Variants in NSUN2 observed in about 807,000 individuals in gnomAD.
NSUN2 encodes NOP2/Sun RNA methyltransferase 2, also known as RNA cytosine C(5)-methyltransferase NSUN2.
A neutral mutation model predicts 92.7 loss-of-function variants in NSUN2; 63 were observed. The ratio of observed to expected loss-of-function variants is 0.68; its 90% confidence interval spans 0.56 to 0.84. NSUN2 has a LOEUF of 0.84. Ranked by LOEUF, NSUN2 falls within the 40% of genes least tolerant of loss-of-function variation. NSUN2 has a pLI of 0.00. For missense variants in NSUN2, 989 were observed against 964.9 expected, an observed-to-expected ratio of 1.02 and a Z score of -0.33; for synonymous variants, 356 against 348.3, an observed-to-expected ratio of 1.02 and a Z score of -0.25.
At chr5:6,607,170 A>G (rs777719503) in intron 13 of NSUN2, 30 bp downstream of exon 13, 4 of 1,607,770 alleles carry the variant, frequency 2.5e-6, no homozygotes, top group South Asian at 1.1e-5. Flanking sequence ...ACACCAGCGT[A>G]TTAGATCAAG....
intron 4 of NSUN2, among the ~76,000 whole-genome samples, chr5:6,624,423 C>T (rs909248877): frequency 6.6e-6 from 1 of 152,148 alleles, no homozygotes; most frequent in African/African-American, 2.4e-5. Flanking sequence ...TTCCCTACAA[C>T]ATTTGCTACC....
Position 6,612,293 on chromosome 5 carries a change from G to A in NSUN2, c.1022-495C>T, listed in dbSNP as rs75409286. 2.8e-4 allele frequency among the ~76,000 whole-genome samples: 43 copies of A among 152,264 alleles called. 3 individuals are homozygous for A. The East Asian group carries it at 8.3e-3, about 29-fold the overall frequency. On this transcript the variant is annotated intron_variant, in intron 9 of 18. Transcript: ENST00000264670. ...TTCCAATGCACACCAGGGCGATGCT[G>A]CAGGTCTTCACGCAGGCATGTCTAA...
intron 13 of NSUN2, 45 bp from the exon 14 acceptor site, chr5:6,606,957 G>C (rs1373033733): frequency 8.4e-7 from 1 of 1,194,452 alleles, no homozygotes; most frequent in East Asian, 2.3e-5. Flanking sequence ...GTAATGTGTG[G>C]TAACCTTCAA....
At chr5:6,602,002 G>C (rs937717806) in intron 18 of NSUN2, among the ~76,000 whole-genome samples, 5 of 150,868 alleles carry the variant, frequency 3.3e-5, no homozygotes, top group African/African-American at 1.2e-4. Context: ...AAGCAGCGTG[G>C]AGCAGTGGTC....
chr5:6,602,854 G>C (rs1247525097), intron 17 of NSUN2, among the ~76,000 whole-genome samples: 1 of 152,156 alleles, frequency 6.6e-6, no homozygotes, highest in Non-Finnish European at 1.5e-5. Context: ...CTCCCAGAAT[G>C]GCATGAAATA....
At position 6,604,642 on chromosome 5, in the gene NSUN2, C is replaced by T; in HGVS notation, c.1781G>A (p.Gly594Asp). Residue 594 changes from glycine to aspartate, a missense_variant, in exon 16 of 19, where the codon GGT becomes GAT. Gly to Asp is a moderately conservative substitution (Grantham distance 94). Coordinates refer to ENST00000264670, the MANE Select transcript of NSUN2 (RefSeq NM_017755.6). ...GIKVWCRNNS[G>D]EEFDCAFRLA... is the part of the protein sequence containing the mutation. ...CCGGAAAGCACAGTCAAACTCTTCA[C>T]CGCTGTTATTTCTACACCAGACTTT... is the stretch of plus-strand genomic sequence containing the variant. 1.2e-6 allele frequency: 2 copies of T among 1,614,122 alleles called. No homozygotes were observed. Among genetic ancestry groups the T allele is most frequent in the South Asian group, 1.1e-5 (1 of 91,084 alleles).
chr5:6,603,667 G>C (rs969468846), intron 17 of NSUN2, among the ~76,000 whole-genome samples: 1 of 152,314 alleles, frequency 6.6e-6, no homozygotes, highest in Non-Finnish European at 1.5e-5. Context: ...TCCAGCCTGG[G>C]TGACAGAGCG....
intron 18 of NSUN2, among the ~76,000 whole-genome samples, 199 bp downstream of exon 18, chr5:6,602,262 G>A (rs528040154): frequency 3.9e-5 from 6 of 152,210 alleles, no homozygotes; most frequent in Non-Finnish European, 5.9e-5. Flanking sequence ...CCTGAGCTGA[G>A]TGTTCTATGA....
chr5:6,609,668 G>C (rs1253678695), intron 12 of NSUN2, among the ~76,000 whole-genome samples, 158 bp downstream of exon 12: 2 of 152,148 alleles, frequency 1.3e-5, no homozygotes, highest in Admixed American at 6.5e-5. Flanking sequence ...TGGAAAACTT[G>C]ATATTTAAAT....
In NSUN2 at chr5:6,611,005, C is replaced by G. The variant is rs1380729381; in HGVS notation, c.1176G>C (p.Met392Ile). 3 of 1,614,062 alleles carry G rather than the reference C, an allele frequency of 1.9e-6. No homozygotes were observed. The highest frequency in any genetic ancestry group is 2.2e-5 in the East Asian group (1 of 44,872). Residue 392 changes from methionine to isoleucine, a missense_variant, in exon 11 of 19, where the codon ATG becomes ATC. This residue lies in a region of NSUN2 where 626 missense variants were observed against 602.3 expected (regional missense o/e 1.04). Coordinates refer to ENST00000264670, the MANE Select transcript of NSUN2 (RefSeq NM_017755.6). ...HSRHTQIRPTMFPPKDPEKLQ... is the reference protein window; with the variant it reads ...HSRHTQIRPTIFPPKDPEKLQ... ...GCTTTTCTGGGTCCTTCGGAGGGAA[C>G]ATGGTAGGTCGGATCTGGGTGTGTC...
At chr5:6,605,858 T>A (rs1183695177) in intron 14 of NSUN2, among the ~76,000 whole-genome samples, 1 of 30,126 alleles carries the variant, frequency 3.3e-5, no homozygotes, top group Non-Finnish European at 1.3e-4. Flanking sequence ...CCACACCTAA[T>A]TTTTTTTTGT....
intron 11 of NSUN2, among the ~76,000 whole-genome samples, chr5:6,610,529 T>C (rs1216358251): frequency 2.0e-5 from 3 of 151,792 alleles, no homozygotes; most frequent in African/African-American, 7.3e-5. Context: ...TCTCTACTAA[T>C]AAAAATACAA....
At chr5:6,609,773 T>C in intron 12 of NSUN2, 53 bp downstream of exon 12, 1 of 1,433,744 alleles carries the variant, frequency 7.0e-7, no homozygotes, top group Non-Finnish European at 9.8e-7. Flanking sequence ...TTAGTTTTTG[T>C]CTTAAATGTA....
Position 6,607,240 on chromosome 5 carries a change from C to T in NSUN2, c.1468G>A (p.Asp490Asn), listed in dbSNP as rs763092117. Residue 490 changes from aspartate to asparagine, a missense_variant, in exon 13 of 19, where the codon GAT becomes AAT. Transcript: ENST00000264670. ...GDTEIAHATEDLENNGSKKDG... is the reference protein window; with the variant it reads ...GDTEIAHATENLENNGSKKDG... ...TTCTTACTGCCATTATTCTCTAAATCCTCAGTTGCATGAGCTATTTCTGTG... is the reference window on the plus strand; with the variant it reads ...TTCTTACTGCCATTATTCTCTAAATTCTCAGTTGCATGAGCTATTTCTGTG... The T allele has an allele frequency of 6.2e-7, 1 of 1,614,202 alleles. No homozygotes were observed. The highest frequency in any genetic ancestry group is 2.2e-5 in the East Asian group (1 of 44,888).
In NSUN2 at chr5:6,599,697, CAAAAT is replaced by C. The variant is rs1736460809; in HGVS notation, c.*224_*228del. On this transcript the variant is annotated 3_prime_UTR_variant, in exon 19 of 19. Coordinates refer to ENST00000264670, the MANE Select transcript of NSUN2 (RefSeq NM_017755.6). ...ACTAGACCCAGCTTGGCCAAAGAAA[CAAAAT>C]AAAACAAGTGATTTCTAACACGCTA... The C allele has an allele frequency of 2.0e-6, 1 of 497,384 alleles. No individual in the cohort carries two copies. Among genetic ancestry groups the C allele is most frequent in the Non-Finnish European group, 3.5e-6 (1 of 283,202 alleles). 30.8% of individuals were successfully genotyped at this position (497,384 alleles called of 1,614,324 possible).
At position 6,599,849 on chromosome 5, in the gene NSUN2, T is replaced by G; in HGVS notation, c.*77A>C. The G allele has an allele frequency of 7.7e-7, 1 of 1,298,778 alleles. No individual in the cohort carries two copies. The highest frequency in any genetic ancestry group is 1.1e-6 in the Non-Finnish European group (1 of 923,268). 80.5% of individuals were successfully genotyped at this position (1,298,778 alleles called of 1,614,324 possible). On this transcript the variant is annotated 3_prime_UTR_variant, in exon 19 of 19. Coordinates refer to ENST00000264670, the MANE Select transcript of NSUN2 (RefSeq NM_017755.6). ...TTACAGGCCACAGGCTGCTCTGGATTTGGTTTCAGACACCAGTGACCAGAA... is the reference window on the plus strand; with the variant it reads ...TTACAGGCCACAGGCTGCTCTGGATGTGGTTTCAGACACCAGTGACCAGAA...
At chr5:6,624,686 T>C (rs950037024) in intron 4 of NSUN2, among the ~76,000 whole-genome samples, 3 of 152,192 alleles carry the variant, frequency 2.0e-5, no homozygotes, top group African/African-American at 4.8e-5. Context: ...TTCTTGTTAC[T>C]ATTCAGGAAG....
At chr5:6,628,442 GATA>G (rs1361670319) in intron 3 of NSUN2, among the ~76,000 whole-genome samples, 2 of 152,122 alleles carry the variant, frequency 1.3e-5, no homozygotes, top group Non-Finnish European at 2.9e-5. Flanking sequence ...AATGCTTTAG[GATA>G]ATTTCTCATT....
intron 9 of NSUN2, among the ~76,000 whole-genome samples, chr5:6,613,584 A>G (rs191814846): frequency 6.6e-6 from 1 of 152,352 alleles, no homozygotes; most frequent in Admixed American, 6.5e-5. Context: ...GCTTGCCCTT[A>G]GAACAAAGCT....
Sources: allele counts gnomAD v4.1 joint callset (sites outside exome capture counted in the v4.1 genomes callset), GRCh38; gene constraint gnomAD v4.1.1; regional missense constraint gnomAD v4.1.1; transcripts MANE v1.5; gene names NCBI Gene and HGNC (gene_info 2026-07-23, HGNC 2026-07-21).